LINC00632: variants seen among roughly 807,000 people sequenced by gnomAD.
LINC00632 encodes the protein long independently transcribed non-coding RNA 632, also known as ALDOA related specific transcript.
At chrX:140,728,416 A>C in intron 2 of LINC00632, among the ~76,000 whole-genome samples, 1 of 110,119 alleles carries the variant, frequency 9.1e-6, no homozygotes, top group Non-Finnish European at 1.9e-5. Context: ...GCACAAAATC[A>C]CTCTGCAATG....
chrX:140,760,152 A>G (rs933029154), intron 3 of LINC00632, among the ~76,000 whole-genome samples: 2 of 111,771 alleles, frequency 1.8e-5, no homozygotes, highest in Non-Finnish European at 3.8e-5. Flanking sequence ...GTGATGTGGG[A>G]GCCTGGGGAT....
exon 5 of LINC00632, among the ~76,000 whole-genome samples, chrX:140,777,677 G>A (rs1931890800): frequency 8.9e-6 from 1 of 111,967 alleles, no homozygotes; most frequent in African/African-American, 3.2e-5. Flanking sequence ...AAATGGTAGT[G>A]GGCCCAGGAA....
intron 2 of LINC00632, chrX:140,716,349 C>T (rs1930628093): frequency 9.0e-6 from 1 of 111,344 alleles, no homozygotes; most frequent in South Asian, 3.8e-4. Context: ...AAGAGTAGTG[C>T]CTACTTCAAA....
intron 2 of LINC00632, among the ~76,000 whole-genome samples, chrX:140,724,340 T>C (rs752809553): frequency 3.1e-4 from 11 of 35,299 alleles, no homozygotes; most frequent in African/African-American, 7.9e-4. Context: ...ACACTTTCCA[T>C]ACACATACAC....
intron 2 of LINC00632, among the ~76,000 whole-genome samples, chrX:140,725,240 CACACACACACATTCCG>C (rs1474454042): frequency 1.4e-4 from 5 of 35,731 alleles, no homozygotes; most frequent in Non-Finnish European, 3.0e-4. Context: ...ACATTCCATA[CACACACACACATTCCG>C]TACACACACA....
chrX:140,762,209 AAGAGAGAGAGAG>A (rs35880613), intron 3 of LINC00632, among the ~76,000 whole-genome samples: 2 of 67,119 alleles, frequency 3.0e-5, no homozygotes, highest in Non-Finnish European at 5.8e-5. Context: ...GTTTTTCGAA[AAGAGAGAGAGAG>A]AGAGAGAGAG....
chrX:140,762,408 G>A (rs1241257355), intron 3 of LINC00632, among the ~76,000 whole-genome samples: 3 of 112,072 alleles, frequency 2.7e-5, no homozygotes, highest in Non-Finnish European at 5.6e-5. Flanking sequence ...GTATCCCATC[G>A]GTTTGCAGTT....
chrX:140,721,896 C>T (rs1298110222), intron 2 of LINC00632, among the ~76,000 whole-genome samples: 1 of 110,546 alleles, frequency 9.0e-6, no homozygotes, highest in Non-Finnish European at 1.9e-5. Context: ...CCCCAAAATA[C>T]CTAGACCTAC....
intron 1 of LINC00632, chrX:140,711,581 A>C (rs1468381570): frequency 1.6e-5 from 5 of 304,040 alleles, no homozygotes; most frequent in South Asian, 6.6e-5. Context: ...ATATCTTTCC[A>C]TATAAATATC....
At chrX:140,717,717 C>T (rs1000420244) in intron 2 of LINC00632, among the ~76,000 whole-genome samples, 2 of 111,607 alleles carry the variant, frequency 1.8e-5, no homozygotes, top group African/African-American at 6.5e-5. Context: ...AGTTCCAATC[C>T]CACATGCATC....
At chrX:140,767,380 TA>T (rs775432433) in intron 3 of LINC00632, among the ~76,000 whole-genome samples, 2 of 112,146 alleles carry the variant, frequency 1.8e-5, no homozygotes, top group African/African-American at 6.5e-5. Flanking sequence ...ATTTACCTAT[TA>T]TTTTTTTCCA....
chrX:140,756,496 G>C (rs183226565), intron 3 of LINC00632, among the ~76,000 whole-genome samples: 37 of 111,440 alleles, frequency 3.3e-4, no homozygotes, highest in African/African-American at 1.1e-3. Flanking sequence ...AAGCTCTATG[G>C]AATAGGGGAA....
chrX:140,715,255 T>C (rs1453815688), intron 2 of LINC00632, among the ~76,000 whole-genome samples: 1 of 111,300 alleles, frequency 9.0e-6, no homozygotes, highest in Non-Finnish European at 1.9e-5. Flanking sequence ...AAGCCCACAG[T>C]GCTCAGAAAT....
intron 2 of LINC00632, chrX:140,712,283 A>G (rs1276969593): frequency 9.1e-6 from 1 of 109,372 alleles, no homozygotes; most frequent in Non-Finnish European, 1.9e-5. Flanking sequence ...TGCAAATTAA[A>G]ATTAAGGAAT....
chrX:140,790,247 G>A (rs1932087585), exon 5 of LINC00632, among the ~76,000 whole-genome samples: 1 of 110,292 alleles, frequency 9.1e-6, no homozygotes, highest in African/African-American at 3.3e-5. Flanking sequence ...TTTTATAAGT[G>A]TTTCTATGGT....
At chrX:140,745,773 T>A (rs1931318486) in intron 3 of LINC00632, among the ~76,000 whole-genome samples, 1 of 112,380 alleles carries the variant, frequency 8.9e-6, no homozygotes, top group Non-Finnish European at 1.9e-5. Flanking sequence ...AACTTTAGTG[T>A]CTATTTTTCT....
At chrX:140,754,988 T>C (rs1359427402) in intron 3 of LINC00632, among the ~76,000 whole-genome samples, 48 of 111,661 alleles carry the variant, frequency 4.3e-4, no homozygotes, top group Non-Finnish European at 3.0e-4. Context: ...TTTCCTTTCC[T>C]AGTTGTCCTC....
chrX:140,791,244 C>A (rs1569359268), exon 5 of LINC00632, among the ~76,000 whole-genome samples: 1 of 111,896 alleles, frequency 8.9e-6, no homozygotes, highest in Non-Finnish European at 1.9e-5. Flanking sequence ...TGGCATCTGA[C>A]AAGCTGATAT....
At chrX:140,742,880 G>GAGA (rs1931255988) in intron 3 of LINC00632, among the ~76,000 whole-genome samples, 3 of 61,870 alleles carry the variant, frequency 4.8e-5, no homozygotes, top group African/African-American at 1.5e-4. Flanking sequence ...AGAGAGAGAG[G>GAGA]AAGGAAGGAA....
Sources: gnomAD v4.1 joint callset for allele counts (sites outside exome capture counted in the v4.1 genomes callset) on GRCh38, gnomAD v4.1.1 for gene constraint, MANE v1.5 for transcripts, NCBI Gene and HGNC (gene_info 2026-07-23, HGNC 2026-07-21) for gene names.